The following EVPLL variants were observed in gnomAD, a reference collection of about 807,000 sequenced individuals.
The protein encoded by EVPLL is envoplakin-like protein.
A neutral mutation model predicts 46.2 loss-of-function variants in EVPLL; 39 were observed. The ratio of observed to expected loss-of-function variants is 0.84; its 90% CI spans 0.65 to 1.10. EVPLL has a LOEUF of 1.10. Ranked by LOEUF, EVPLL falls within the 50% of genes least tolerant of loss-of-function variation. EVPLL has a pLI of 0.00. For missense variants in EVPLL, 385 were observed against 412.6 expected, an observed-to-expected ratio of 0.93 and a Z score of 0.58; for synonymous variants, 156 against 165.8, an observed-to-expected ratio of 0.94 and a Z score of 0.46.
rs1486769584 is a variant in EVPLL at position 18,381,340 on chromosome 17, G to A, written c.64-27G>A. ...AGGGGTGTGGGGGCTCTGGACCCTG[G>A]CAAGTCTGCCCATCCCCTGCCCACA... is the stretch of plus-strand genomic sequence containing the variant. On this transcript the variant is annotated intron_variant, in intron 2 of 10. Transcript: ENST00000399134. The surrounding 1 kb of genome is among the most constrained non-coding windows in gnomAD (Gnocchi z 4.2). 1 of 1,528,352 alleles carries A rather than the reference G, an allele frequency of 6.5e-7. No homozygotes were observed. Among genetic ancestry groups the A allele is most frequent in the East Asian group, 2.5e-5 (1 of 40,542 alleles). 94.7% of individuals were successfully genotyped at this position (1,528,352 alleles called of 1,614,324 possible). A position where few individuals can be genotyped will look rare whatever the true frequency, so the allele number is the denominator to read the frequency against.
chr17:18,381,698 G>T lies in EVPLL; in HGVS notation c.314G>T (p.Gly105Val), dbSNP rs796995895. 1 of 1,614,204 alleles carries T rather than the reference G, an allele frequency of 6.2e-7. No individual in the cohort carries two copies. Among genetic ancestry groups the T allele is most frequent in the Non-Finnish European group, 8.5e-7 (1 of 1,180,040 alleles). The change falls in exon 4 of 11, where the codon GGT (glycine) becomes GTT (valine). Residue 105 changes from glycine to valine, a missense_variant. By Grantham distance (109) the Gly-to-Val change is moderately radical. Coordinates refer to ENST00000399134, the MANE Select transcript of EVPLL (RefSeq NM_001145127.2). The surrounding 1 kb of genome is among the most constrained non-coding windows in gnomAD (Gnocchi z 4.2). ...CTGCCGCCCCGACGTGGGATCCAAG[G>T]TCGACTGGGCACACGTGCTGGAGCA... Reference protein sequence around the residue: ...MVLPPRRGIQGRLGTRAGAET... With the variant: ...MVLPPRRGIQVRLGTRAGAET...
At chr17:18,380,687 C>T in intron 1 of EVPLL, 1 of 535,568 alleles carries the variant, frequency 1.9e-6, no homozygotes, top group Non-Finnish European at 3.4e-6. Context: ...GACCTGAGAC[C>T]CTCACCTTTT....
intron 9 of EVPLL, chr17:18,387,910 G>A (rs1409428808): frequency 7.1e-6 from 1 of 140,450 alleles, no homozygotes; most frequent in African/African-American, 3.0e-5. Context: ...CTATTCAGGA[G>A]GCTGAGGTGG....
chr17:18,377,848 G>C lies in EVPLL; in HGVS notation c.-172G>C. Reference sequence around the variant, plus strand: ...CCTGCCCTCCTGCCCTCCTTCACCAGCCAAGCCCAGCCTGAGCCAGCACCT... The same window carrying C: ...CCTGCCCTCCTGCCCTCCTTCACCACCCAAGCCCAGCCTGAGCCAGCACCT... On this transcript the variant is annotated 5_prime_UTR_variant, in exon 1 of 11. Transcript: ENST00000399134. 1.2e-6 allele frequency: 1 copy of C among 818,446 alleles called. No individual in the cohort carries two copies. Among genetic ancestry groups the C allele is most frequent in the Non-Finnish European group, 1.9e-6 (1 of 520,288 alleles). The allele number at this position is 818,446 out of a possible 1,614,324, so 50.7% of individuals were successfully genotyped here.
chr17:18,386,582 G>C (rs1182460205), intron 9 of EVPLL: 2 of 152,176 alleles, frequency 1.3e-5, no homozygotes, highest in Non-Finnish European at 2.9e-5. Flanking sequence ...CATGCCTCAT[G>C]CAAGCAGCTG....
chr17:18,378,237 C>T (rs1987446263), intron 1 of EVPLL, among the ~76,000 whole-genome samples: 1 of 152,220 alleles, frequency 6.6e-6, no homozygotes, highest in Non-Finnish European at 1.5e-5. Context: ...GGCCTGTGGG[C>T]CACAGATTGA....
rs1987589609 is a variant in EVPLL at position 18,381,855 on chromosome 17, G to A, written c.346+125G>A. ...GGTGTCTCAGGGGTCTGGGCAGGGAGACAGCAGAGGAGACAGTGCAGTCAG... is the reference window on the plus strand; with the variant it reads ...GGTGTCTCAGGGGTCTGGGCAGGGAAACAGCAGAGGAGACAGTGCAGTCAG... On this transcript the variant is annotated intron_variant, in intron 4 of 10. Transcript: ENST00000399134. This position sits in a 1 kb window ranked among gnomAD's most constrained non-coding sequence, Gnocchi z 4.2. 2 of 1,451,752 alleles carry A rather than the reference G, an allele frequency of 1.4e-6. No homozygotes were observed. Among genetic ancestry groups the A allele is most frequent in the East Asian group, 4.6e-5 (2 of 43,374 alleles). 89.9% of individuals were successfully genotyped at this position (1,451,752 alleles called of 1,614,324 possible).
chr17:18,385,603 CAT>C (rs1169928370), intron 9 of EVPLL, among the ~76,000 whole-genome samples: 1 of 148,200 alleles, frequency 6.7e-6, no homozygotes, highest in African/African-American at 2.5e-5. Context: ...TGTGCAAAGG[CAT>C]GTGTGTGTGC....
chr17:18,379,079 G>T (rs1347920012), intron 1 of EVPLL, among the ~76,000 whole-genome samples: 2 of 152,166 alleles, frequency 1.3e-5, no homozygotes, highest in Non-Finnish European at 1.5e-5. Flanking sequence ...GACCCTGTCT[G>T]TTAAAACAAA....
chr17:18,388,064 A>ACATATATATGTGTATATATATC, intron 9 of EVPLL, 155 bp from the exon 10 acceptor site: 2 of 238,888 alleles, frequency 8.4e-6, no homozygotes, highest in Non-Finnish European at 1.7e-5. Context: ...ATATATATAT[A>ACATATATATGTGTATATATATC]AAATTTATTT....
chr17:18,381,606 C>G lies in EVPLL; in HGVS notation c.222C>G (p.Ile74Met). The change falls in exon 4 of 11, where the codon ATC becomes ATG. Residue 74 changes from isoleucine to methionine, a missense_variant. Physicochemically the swap from Ile to Met is conservative, Grantham distance 10. Transcript: ENST00000399134. This position sits in a 1 kb window ranked among gnomAD's most constrained non-coding sequence, Gnocchi z 4.2. ...CTGCTGGCCACCTTCTTGACAGCAT[C>G]GAGCAGCTGCACGAGCGGGTGACCC... is the stretch of plus-strand genomic sequence containing the variant. ...HPQAEETEKD[I>M]EQLHERVTQE... 2 of 1,614,076 alleles carry G rather than the reference C, an allele frequency of 1.2e-6. No homozygotes were observed. Among genetic ancestry groups the G allele is most frequent in the Non-Finnish European group, 1.7e-6 (2 of 1,180,002 alleles).
At chr17:18,382,736 G>A in intron 5 of EVPLL, 90 bp from the exon 6 acceptor site, 2 of 1,559,610 alleles carry the variant, frequency 1.3e-6, no homozygotes, top group South Asian at 1.2e-5. Flanking sequence ...GGGGATAGGG[G>A]TGGGTGGGGT....
rs558496119 is a variant in EVPLL at position 18,387,621 on chromosome 17, C to T, written c.877-598C>T. Among the ~76,000 whole-genome samples, 529 of 151,540 alleles carry T rather than the reference C, an allele frequency of 3.5e-3. 4 individuals carry two copies. The highest frequency in any genetic ancestry group is 0.013 in the African/African-American group (516 of 41,186). ...TGTGGCTCCAATAAACCTTTATTCA[C>T]AGTAGGAGGGGGGCTTCATCTGGAT... On this transcript the variant is annotated intron_variant, in intron 9 of 10. Transcript: ENST00000399134.
chr17:18,381,618 C>T lies in EVPLL; in HGVS notation c.234C>T (p.His78=), dbSNP rs1987578200. ...EETEKDIEQL[H]ERVTQECAEY... is the part of the protein sequence containing the mutation. ...TTCTTGACAGCATCGAGCAGCTGCA[C>T]GAGCGGGTGACCCAGGAGTGTGCGG... Residue 78 remains histidine (H), a synonymous_variant, in exon 4 of 11, where the codon CAC becomes CAT. Transcript: ENST00000399134. This position sits in a 1 kb window ranked among gnomAD's most constrained non-coding sequence, Gnocchi z 4.2. 9 of 1,614,122 alleles carry T rather than the reference C, an allele frequency of 5.6e-6. No homozygotes were observed. In the Middle Eastern group the frequency reaches 6.6e-4, roughly 118 times the overall value.
intron 9 of EVPLL, among the ~76,000 whole-genome samples, chr17:18,386,679 A>G (rs1179169821): frequency 6.6e-6 from 1 of 152,030 alleles, no homozygotes; most frequent in Non-Finnish European, 1.5e-5. Flanking sequence ...AGTGTGCTGC[A>G]AAGATGCAGC....
rs563537545 is a variant in EVPLL, at chr17:18,383,643, C to T, written c.876+56C>T. Reference sequence around the variant, plus strand: ...GGCGGCAGGGCGGGAGGTCCCACAGCACACCGGCCCACAGGAGAGGCACTG... The same window carrying T: ...GGCGGCAGGGCGGGAGGTCCCACAGTACACCGGCCCACAGGAGAGGCACTG... On this transcript the variant is annotated intron_variant, in intron 9 of 10. Transcript: ENST00000399134. 90 of 1,354,916 alleles carry T rather than the reference C, an allele frequency of 6.6e-5. 1 individual carries two copies. In the African/African-American group the frequency reaches 1.2e-3, roughly 18 times the overall value. The allele number at this position is 1,354,916 out of a possible 1,614,324, so 83.9% of individuals were successfully genotyped here.
At chr17:18,387,098 A>G (rs36040105) in intron 9 of EVPLL, among the ~76,000 whole-genome samples, 86,385 of 145,118 alleles carry the variant, frequency 0.6, 26,146 homozygotes, top group African/African-American at 0.67. Flanking sequence ...ACGGGCTTTC[A>G]CCATGTTAGC....
In EVPLL at chr17:18,383,601, C is replaced by CG. The variant is rs1353211583; in HGVS notation, c.876+14_876+15insG. On this transcript the variant is annotated intron_variant, in intron 9 of 10. Coordinates refer to ENST00000399134, the MANE Select transcript of EVPLL (RefSeq NM_001145127.2). Reference sequence around the variant, plus strand: ...GACTACAGCCGGGTGAGCCCTCGGGCAGCGGCAGGGCGGCAGGGCGGCAGG... The same window carrying CG: ...GACTACAGCCGGGTGAGCCCTCGGGCGAGCGGCAGGGCGGCAGGGCGGCAGG... The CG allele has an allele frequency of 1.4e-5, 10 of 735,188 alleles. 3 individuals are homozygous for CG. The highest frequency in any genetic ancestry group is 1.9e-5 in the Non-Finnish European group (10 of 539,268). 45.5% of individuals were successfully genotyped at this position (735,188 alleles called of 1,614,324 possible).
At chr17:18,380,787 G>A (rs1987537476) in intron 1 of EVPLL, 115 bp from the exon 2 acceptor site, 2 of 847,468 alleles carry the variant, frequency 2.4e-6, no homozygotes, top group African/African-American at 1.7e-5. Flanking sequence ...AGTCAGGGCA[G>A]TGTGCTAGGC....
Sources: allele counts gnomAD v4.1 joint callset (sites outside exome capture counted in the v4.1 genomes callset), GRCh38; gene constraint gnomAD v4.1.1; non-coding constraint Gnocchi (gnomAD v3.1); transcripts MANE v1.5; gene names NCBI Gene and HGNC (gene_info 2026-07-23, HGNC 2026-07-21).